The following MAN2C1 variants were observed in gnomAD, a reference collection of about 807,000 sequenced individuals.
The protein encoded by MAN2C1 is mannosidase alpha class 2C member 1, also known as alpha-mannosidase 2C1.
MAN2C1 carries 111 observed loss-of-function variants against 126.9 expected under a neutral mutation model. The observed-to-expected ratio is 0.87, with a 90% CI of 0.75 to 1.02. The LOEUF (loss-of-function observed/expected upper bound fraction) is 1.02, where lower values mean the gene tolerates loss of function less well. MAN2C1 is among the 50% of genes least tolerant of loss of function. The pLI is 0.00. For missense variants in MAN2C1, 1,363 were observed against 1,364.4 expected (o/e 1.00, Z 0.02); for synonymous variants, 567 against 561.5 (o/e 1.01, Z -0.14).
intron 3 of MAN2C1, 60 bp from the exon 4 acceptor site, chr15:75,366,652 T>G: frequency 7.6e-7 from 1 of 1,319,506 alleles, no homozygotes; most frequent in Non-Finnish European, 1.1e-6. Flanking sequence ...TCAGGTAAAG[T>G]GTAAGCCATG....
intron 1 of MAN2C1, 45 bp downstream of exon 1, chr15:75,368,438 G>T: frequency 6.6e-7 from 1 of 1,522,774 alleles, no homozygotes; most frequent in Non-Finnish European, 8.9e-7. Context: ...AAAGCTTGAG[G>T]CGCACGGTTG....
chr15:75,358,126 C>T (rs1235336092), intron 21 of MAN2C1, 75 bp downstream of exon 21: 4 of 1,560,430 alleles, frequency 2.6e-6, no homozygotes, highest in South Asian at 1.1e-5. Flanking sequence ...CCTCTTCCTC[C>T]CCAGCCTGTT....
At position 75,358,527 on chromosome 15, in the gene MAN2C1, T is replaced by A; in HGVS notation, c.2338A>T (p.Asn780Tyr). 6.2e-7 allele frequency: 1 copy of A among 1,613,444 alleles called. No homozygotes were observed. The highest frequency in any genetic ancestry group is 8.5e-7 in the Non-Finnish European group (1 of 1,180,008). Reference sequence around the variant, plus strand: ...ACAACCTCCTGGCTAAGCCGACTGTTGGGGCTGATCTGTAGCAAGAACCAG... The same window carrying A: ...ACAACCTCCTGGCTAAGCCGACTGTAGGGGCTGATCTGTAGCAAGAACCAG... ...SAWFLLQISPNSRLSQEVVLD... is the reference protein window; with the variant it reads ...SAWFLLQISPYSRLSQEVVLD... Residue 780 changes from asparagine (N) to tyrosine (Y), a missense_variant, in exon 20 of 26, where the codon AAC (asparagine) becomes TAC (tyrosine). Transcript: ENST00000267978.
In MAN2C1 at chr15:75,358,455, C is replaced by T. The variant is rs139868638; in HGVS notation, c.2403+7G>A. On this transcript the variant is annotated splice_region_variant and intron_variant, in intron 20 of 25. Transcript: ENST00000267978. ...GGGAAAACAGCCACCCCCTACCCCC[C>T]GACTACCTCGGTGTGGAAGCGGACA... 173 of 1,613,364 alleles carry T rather than the reference C, an allele frequency of 1.1e-4. No individual in the cohort carries two copies. In the African/African-American group the frequency reaches 2.0e-3, roughly 18 times the overall value.
intron 1 of MAN2C1, 101 bp from the exon 2 acceptor site, chr15:75,368,299 A>G: frequency 1.3e-6 from 2 of 1,503,314 alleles, no homozygotes; most frequent in African/African-American, 1.4e-5. Flanking sequence ...TCCTCCGCCA[A>G]GAGGGCTGCC....
At position 75,361,587 on chromosome 15, in the gene MAN2C1, C is replaced by G. The variant is rs2072470960; in HGVS notation, c.1218+17G>C. 6.3e-7 allele frequency: 1 copy of G among 1,599,670 alleles called. No individual in the cohort carries two copies. Among genetic ancestry groups the G allele is most frequent in the African/African-American group, 1.3e-5 (1 of 74,728 alleles). On this transcript the variant is annotated intron_variant, in intron 10 of 25. Coordinates refer to ENST00000267978, the MANE Select transcript of MAN2C1 (RefSeq NM_006715.4). This position sits in a 1 kb window ranked among gnomAD's most constrained non-coding sequence, Gnocchi z 5.0. ...CTGAGGCCCACTCTGACCCTGACCC[C>G]CCGGGGGCCTGCTTACTGGGAAGGA...
chr15:75,367,738 A>G, intron 2 of MAN2C1, 104 bp from the exon 3 acceptor site: 1 of 1,427,244 alleles, frequency 7.0e-7, no homozygotes, highest in Non-Finnish European at 9.6e-7. Context: ...AAGCATCTGC[A>G]GTGTCACAAG....
intron 4 of MAN2C1, among the ~76,000 whole-genome samples, chr15:75,366,222 G>A (rs530772873): frequency 1.3e-5 from 2 of 152,330 alleles, no homozygotes; most frequent in Admixed American, 1.3e-4. Context: ...TTTGAGACAA[G>A]GTCTCACTCT....
chr15:75,356,890 G>C lies in MAN2C1; in HGVS notation c.2560C>G (p.Arg854Gly). The change falls in exon 22 of 26, where the codon CGC becomes GGC. Residue 854 changes from arginine to glycine, a missense_variant. Arg to Gly is a moderately radical substitution (Grantham distance 125). Transcript: ENST00000267978. This position sits in a 1 kb window ranked among gnomAD's most constrained non-coding sequence, Gnocchi z 5.8. Reference protein sequence around the residue: ...DWARFEVWAHRWMDLSEHGFG... With the variant: ...DWARFEVWAHGWMDLSEHGFG... ...CCGTGTTCTGACAGATCCATCCAGCGATGGGCCCACACCTGGAGGGCAGAT... is the reference window on the plus strand; with the variant it reads ...CCGTGTTCTGACAGATCCATCCAGCCATGGGCCCACACCTGGAGGGCAGAT... 1.2e-6 allele frequency: 2 copies of C among 1,613,988 alleles called. No homozygotes were observed. Among genetic ancestry groups the C allele is most frequent in the Non-Finnish European group, 1.7e-6 (2 of 1,179,966 alleles).
rs1332888722 is a variant in MAN2C1 at position 75,360,603 on chromosome 15, A to G, written c.1546T>C (p.Leu516=). 7 of 1,613,690 alleles carry G rather than the reference A, an allele frequency of 4.3e-6. No homozygotes were observed. The highest frequency in any genetic ancestry group is 1.3e-5 in the African/African-American group (1 of 74,890). ...GTGTATGTGCCATTGTGCAGCTCCA[A>G]GAAGAGCTCCCCAACCCACGTGCAC... ...QLCTWVGELF[L]ELHNGTYTTH... is the part of the protein sequence containing the mutation. Residue 516 remains leucine (L), a synonymous_variant, in exon 13 of 26, where the codon TTG becomes CTG. Coordinates refer to ENST00000267978, the MANE Select transcript of MAN2C1 (RefSeq NM_006715.4).
rs2141331780 is a variant in MAN2C1, at chr15:75,360,702, A to G, written c.1461-14T>C. The G allele has an allele frequency of 6.2e-7, 1 of 1,612,460 alleles. No individual in the cohort carries two copies. Among genetic ancestry groups the G allele is most frequent in the South Asian group, 1.1e-5 (1 of 91,034 alleles). On this transcript the variant is annotated splice_polypyrimidine_tract_variant and intron_variant, in intron 12 of 25. Coordinates refer to ENST00000267978, the MANE Select transcript of MAN2C1 (RefSeq NM_006715.4). ...GATAGCTGCACCCTGAGGAGACCAC[A>G]AGCCTAGGTCTCCCAGCCTTGGAGA... is the stretch of plus-strand genomic sequence containing the variant.
Position 75,361,449 on chromosome 15 carries a change from C to G in MAN2C1, c.1219-68G>C. ...AGGGCTGAGGCAGAGCCAGGCCTTC[C>G]AGACTTGGTCCTGCCCCTGCCTGCT... On this transcript the variant is annotated intron_variant, in intron 10 of 25. Transcript: ENST00000267978. This position sits in a 1 kb window ranked among gnomAD's most constrained non-coding sequence, Gnocchi z 5.0. 7.2e-7 allele frequency: 1 copy of G among 1,379,802 alleles called. No individual in the cohort carries two copies. The highest frequency in any genetic ancestry group is 1.0e-6 in the Non-Finnish European group (1 of 975,186). The allele number at this position is 1,379,802 out of a possible 1,614,324, so 85.5% of individuals were successfully genotyped here.
Position 75,364,634 on chromosome 15 carries a change from C to A in MAN2C1, c.454G>T (p.Gly152Trp). The A allele has an allele frequency of 1.9e-6, 3 of 1,613,086 alleles. No individual in the cohort carries two copies. Among genetic ancestry groups the A allele is most frequent in the Non-Finnish European group, 2.5e-6 (3 of 1,179,494 alleles). ...LTLYVEVACN[G>W]LLGAGKGSMI... ...CTTCCCTTCCCGGCCCCCAGGAGCC[C>A]ATTGCAGGCTACTTCCACATAGAGA... Residue 152 changes from glycine to tryptophan, a missense_variant, in exon 5 of 26, where the codon GGG becomes TGG. Coordinates refer to ENST00000267978, the MANE Select transcript of MAN2C1 (RefSeq NM_006715.4).
Position 75,356,253 on chromosome 15 carries a change from G to C in MAN2C1, c.2887-34C>G. ...GAACACGTCTGGTGGGAGGGGCCGA[G>C]GGCAGGCCCAGTTCGGAACCCCGTC... On this transcript the variant is annotated intron_variant, in intron 24 of 25. Coordinates refer to ENST00000267978, the MANE Select transcript of MAN2C1 (RefSeq NM_006715.4). This position sits in a 1 kb window ranked among gnomAD's most constrained non-coding sequence, Gnocchi z 5.8. 1 of 1,612,184 alleles carries C rather than the reference G, an allele frequency of 6.2e-7. No homozygotes were observed. Among genetic ancestry groups the C allele is most frequent in the Non-Finnish European group, 8.5e-7 (1 of 1,179,342 alleles).
At chr15:75,360,533 C>T (rs752665781) in intron 13 of MAN2C1, 32 bp downstream of exon 13, 3 of 1,610,514 alleles carry the variant, frequency 1.9e-6, no homozygotes, top group South Asian at 2.2e-5. Context: ...AGGGCACACC[C>T]TCCCTGCACA....
Position 75,364,198 on chromosome 15 carries a change from G to T in MAN2C1, c.601-10C>A. ...TGTCCTTCCCGAGGCCCTGCAGCAGGGTTCTGCCCCTTAATCCCTTTTTCA... is the reference window on the plus strand; with the variant it reads ...TGTCCTTCCCGAGGCCCTGCAGCAGTGTTCTGCCCCTTAATCCCTTTTTCA... On this transcript the variant is annotated splice_polypyrimidine_tract_variant and intron_variant, in intron 5 of 25. Transcript: ENST00000267978. 2 of 1,601,762 alleles carry T rather than the reference G, an allele frequency of 1.2e-6. No individual in the cohort carries two copies. Among genetic ancestry groups the T allele is most frequent in the Non-Finnish European group, 8.5e-7 (1 of 1,175,788 alleles).
chr15:75,366,475 G>A, intron 4 of MAN2C1, 47 bp downstream of exon 4: 1 of 1,551,956 alleles, frequency 6.4e-7, no homozygotes, highest in Non-Finnish European at 8.9e-7. Flanking sequence ...TTGCTCACTG[G>A]TACTCCCTCC....
rs749352522 is a variant in MAN2C1, at chr15:75,360,547, C to T, written c.1584+18G>A. ...AAGGGCACACCCTCCCTGCACAGCCCTGCAACCTCCCCCTGACCTGGGCAT... is the reference window on the plus strand; with the variant it reads ...AAGGGCACACCCTCCCTGCACAGCCTTGCAACCTCCCCCTGACCTGGGCAT... On this transcript the variant is annotated intron_variant, in intron 13 of 25. Coordinates refer to ENST00000267978, the MANE Select transcript of MAN2C1 (RefSeq NM_006715.4). 3.4e-5 allele frequency: 55 copies of T among 1,612,766 alleles called. No individual in the cohort carries two copies. The highest frequency in any genetic ancestry group is 4.6e-5 in the Non-Finnish European group (54 of 1,179,804).
intron 6 of MAN2C1, chr15:75,363,248 G>GCTTTC (rs2072511363): frequency 2.2e-6 from 1 of 456,078 alleles, no homozygotes; most frequent in Admixed American, 2.3e-5. Flanking sequence ...CTTGTTCTGT[G>GCTTTC]ATCCCAAAAC....
Sources: allele counts gnomAD v4.1 joint callset (sites outside exome capture counted in the v4.1 genomes callset), GRCh38; gene constraint gnomAD v4.1.1; non-coding constraint Gnocchi (gnomAD v3.1); transcripts MANE v1.5; gene names NCBI Gene and HGNC (gene_info 2026-07-23, HGNC 2026-07-21).